GCNT1: variants seen among roughly 807,000 people sequenced by gnomAD.
The protein encoded by GCNT1 is beta-1,3-galactosyl-O-glycosyl-glycoprotein beta-1,6-N-acetylglucosaminyltransferase.
GCNT1 carries 16 observed loss-of-function variants against 26.2 expected under a neutral mutation model. The ratio of observed to expected loss-of-function variants is 0.61; its 90% confidence interval spans 0.41 to 0.93. The LOEUF (loss-of-function observed/expected upper bound fraction) is 0.93. Ranked by LOEUF, GCNT1 falls within the 40% of genes least tolerant of loss-of-function variation. The pLI is 0.00. For synonymous variants in GCNT1, 183 were observed against 190.8 expected (o/e 0.96, Z 0.34); for missense variants, 477 against 526.7 (o/e 0.91, Z 0.92).
At chr9:76,441,744 A>C (rs1823486840) in exon 1 of GCNT1, 1 of 152,738 alleles carries the variant, frequency 6.5e-6, no homozygotes, top group African/African-American at 2.4e-5. Context: ...AAGACCTATG[A>C]AGTGGAAAAT....
intron 2 of GCNT1, among the ~76,000 whole-genome samples, chr9:76,494,809 G>A (rs1824856980): frequency 6.6e-6 from 1 of 152,182 alleles, no homozygotes; most frequent in Admixed American, 6.5e-5. Flanking sequence ...TGGGTGATAT[G>A]ACTTGGAGGA....
intron 1 of GCNT1, among the ~76,000 whole-genome samples, chr9:76,431,555 C>G (rs539611080): frequency 6.6e-6 from 1 of 152,166 alleles, no homozygotes; most frequent in African/African-American, 2.4e-5. Context: ...TTCACCAACC[C>G]GGAAGTCCCA....
chr9:76,454,137 C>T (rs1034079249), intron 1 of GCNT1, among the ~76,000 whole-genome samples: 4 of 151,788 alleles, frequency 2.6e-5, no homozygotes, highest in Non-Finnish European at 4.4e-5. Context: ...TCCCAGCACT[C>T]TGAGAGGCCA....
chr9:76,428,389 A>G (rs900875795), intron 1 of GCNT1, among the ~76,000 whole-genome samples: 1 of 151,728 alleles, frequency 6.6e-6, no homozygotes, highest in Non-Finnish European at 1.5e-5. Flanking sequence ...TCAATTAGAT[A>G]TGCATAAATT....
rs770202457 is a variant in GCNT1 at position 76,502,744 on chromosome 9, T to G, written c.363T>G (p.Phe121Leu). ...CCCTTAGTAAAGAAGAGGCGGAGTT[T>G]CCAATAGCATATTCTATAGTGGTTC... ...VEPLSKEEAE[F>L]PIAYSIVVHH... Residue 121 changes from phenylalanine (F) to leucine (L), a missense_variant, in exon 4 of 4, where the codon TTT (phenylalanine) becomes TTG (leucine). Physicochemically the swap from Phe to Leu is conservative, Grantham distance 22. Transcript: ENST00000376730. 2 of 1,614,204 alleles carry G rather than the reference T, an allele frequency of 1.2e-6. No individual in the cohort carries two copies. Among genetic ancestry groups the G allele is most frequent in the Non-Finnish European group, 1.7e-6 (2 of 1,180,014 alleles).
At chr9:76,444,224 G>A (rs1823536372) in intron 1 of GCNT1, among the ~76,000 whole-genome samples, 1 of 152,194 alleles carries the variant, frequency 6.6e-6, no homozygotes, top group African/African-American at 2.4e-5. Flanking sequence ...TGTTTACTAA[G>A]CAGTTGGAAA....
the GCNT1 span, among the ~76,000 whole-genome samples, chr9:76,397,212 G>A: frequency 3.3e-5 from 5 of 152,102 alleles, no homozygotes; most frequent in East Asian, 3.9e-4. Flanking sequence ...AACCCAGGAG[G>A]CGGAGGTTGC....
intron 1 of GCNT1, among the ~76,000 whole-genome samples, chr9:76,443,902 G>GAAAGAAAGA (rs1564225796): frequency 9.3e-5 from 6 of 64,484 alleles, no homozygotes; most frequent in African/African-American, 1.9e-4. Flanking sequence ...AGAAAGAAAG[G>GAAAGAAAGA]AAGAAAGGAA....
At chr9:76,419,621 A>G (rs1420654816), upstream of GCNT1, among the ~76,000 whole-genome samples, 3 of 152,046 alleles carry the variant, frequency 2.0e-5, no homozygotes, top group Non-Finnish European at 4.4e-5. Context: ...TCATGCGACT[A>G]CACTCCAGCC....
chr9:76,469,856 G>T (rs934090125), intron 2 of GCNT1, among the ~76,000 whole-genome samples: 2 of 152,018 alleles, frequency 1.3e-5, no homozygotes, highest in Admixed American at 6.6e-5. Context: ...AACACTCACC[G>T]CATGGCCCAA....
chr9:76,473,937 A>G (rs570492200), intron 2 of GCNT1, among the ~76,000 whole-genome samples: 1 of 152,276 alleles, frequency 6.6e-6, no homozygotes, highest in South Asian at 2.1e-4. Context: ...TGCCTCTACA[A>G]AAAATATAAA....
intron 1 of GCNT1, among the ~76,000 whole-genome samples, chr9:76,443,726 C>A (rs1410264185): frequency 6.6e-6 from 1 of 152,070 alleles, no homozygotes; most frequent in Admixed American, 6.6e-5. Context: ...ACTAAAGATA[C>A]AAAAGCTAGC....
chr9:76,478,994 C>G (rs1054401725), intron 2 of GCNT1, among the ~76,000 whole-genome samples: 1 of 152,142 alleles, frequency 6.6e-6, no homozygotes, highest in African/African-American at 2.4e-5. Flanking sequence ...TCTCCTAATG[C>G]TATCCATCCC....
chr9:76,481,477 C>T (rs771415953), intron 2 of GCNT1, among the ~76,000 whole-genome samples: 18 of 151,246 alleles, frequency 1.2e-4, no homozygotes, highest in Non-Finnish European at 1.9e-4. Context: ...GCCAAAAACA[C>T]TTCTTCTTTT....
At chr9:76,461,285 T>G (rs1198563838) in intron 2 of GCNT1, among the ~76,000 whole-genome samples, 1 of 152,032 alleles carries the variant, frequency 6.6e-6, no homozygotes, top group Non-Finnish European at 1.5e-5. Flanking sequence ...TTGGCTCATA[T>G]TTTTTCCTTT....
chr9:76,434,745 G>T (rs1187405357), intron 1 of GCNT1, among the ~76,000 whole-genome samples: 1 of 152,180 alleles, frequency 6.6e-6, no homozygotes, highest in Non-Finnish European at 1.5e-5. Context: ...GCCTATAAAT[G>T]GATGTGCAAG....
In GCNT1 at chr9:76,442,644, G is replaced by A. The variant is rs148039212; in HGVS notation, c.-290+329G>A. The stretch of plus-strand genomic sequence containing the variant: ...TGCAGTGAGCCAAGATCATGCCACC[G>A]CACTCCAGCCTGGGCGACAGAGTGA... On this transcript the variant is annotated intron_variant, in intron 1 of 2. Transcript: ENST00000442371. Among the ~76,000 whole-genome samples, 210 of 152,224 alleles carry A rather than the reference G, an allele frequency of 1.4e-3. 1 individual carries two copies. Among genetic ancestry groups the A allele is most frequent in the African/African-American group, 4.8e-3 (201 of 41,534 alleles).
the GCNT1 span, chr9:76,399,165 A>T: frequency 1.8e-5 from 27 of 1,469,078 alleles, no homozygotes; most frequent in Non-Finnish European, 2.4e-5. Flanking sequence ...CCTATGCGCT[A>T]TGTGGACATT....
At chr9:76,456,488 C>T (rs1823759136), upstream of GCNT1, among the ~76,000 whole-genome samples, 1 of 152,166 alleles carries the variant, frequency 6.6e-6, no homozygotes, top group African/African-American at 2.4e-5. Context: ...GCAGCTGCTT[C>T]CTGCAGTTAC....
Sources: allele counts gnomAD v4.1 joint callset (sites outside exome capture counted in the v4.1 genomes callset), GRCh38; gene constraint gnomAD v4.1.1; transcripts MANE v1.5; gene names NCBI Gene and HGNC (gene_info 2026-07-23, HGNC 2026-07-21).